Variants in GLRA2 observed in about 807,000 individuals in gnomAD.
GLRA2 encodes the protein glycine receptor subunit alpha-2.
In GLRA2, 11 loss-of-function variants were observed where a neutral mutation model predicts 31.6. The observed-to-expected ratio is 0.35, with a 90% confidence interval of 0.22 to 0.58. GLRA2 has a LOEUF of 0.58. Among genes scored for constraint, GLRA2 ranks in the 20% least tolerant of loss-of-function variants. GLRA2 has a pLI of 0.84. For missense variants in GLRA2, 212 were observed against 351.8 expected (o/e 0.60, Z 3.18); for synonymous variants, 132 against 134.0 (o/e 0.99, Z 0.10).
chrX:14,449,698 G>A, the GLRA2 span, among the ~76,000 whole-genome samples: 1 of 112,200 alleles, frequency 8.9e-6, no homozygotes. Context: ...TGCAGCCTGG[G>A]AGCAGTTCAG....
intron 2 of GLRA2, among the ~76,000 whole-genome samples, chrX:14,544,938 G>T (rs2089458587): frequency 9.0e-6 from 1 of 111,259 alleles, no homozygotes; most frequent in South Asian, 3.7e-4. Context: ...ACGGAGTAGG[G>T]GTAGGGAAAT....
At chrX:14,536,714 CTTAA>C (rs2089329033) in intron 2 of GLRA2, among the ~76,000 whole-genome samples, 1 of 110,804 alleles carries the variant, frequency 9.0e-6, no homozygotes, top group Admixed American at 9.7e-5. Context: ...CTAGGTCTCC[CTTAA>C]TTAATCAAGA....
the GLRA2 span, among the ~76,000 whole-genome samples, chrX:14,481,807 C>T: frequency 9.1e-5 from 10 of 109,936 alleles, no homozygotes; most frequent in Non-Finnish European, 1.3e-4. Context: ...TATGTGCATA[C>T]ACACTCCCTC....
chrX:14,693,057 AG>A (rs771946998), intron 8 of GLRA2, among the ~76,000 whole-genome samples: 1 of 69,911 alleles, frequency 1.4e-5, no homozygotes. Context: ...AAAAAAAAAA[AG>A]AAAGAGGGAA....
At chrX:14,644,827 GAC>G (rs1569515409) in intron 7 of GLRA2, among the ~76,000 whole-genome samples, 2 of 111,924 alleles carry the variant, frequency 1.8e-5, no homozygotes, top group African/African-American at 6.5e-5. Flanking sequence ...TTGAGGGAAA[GAC>G]AAACAGAAGA....
intron 2 of GLRA2, among the ~76,000 whole-genome samples, chrX:14,539,336 A>G (rs2089369086): frequency 9.0e-6 from 1 of 111,271 alleles, no homozygotes; most frequent in Admixed American, 9.5e-5. Flanking sequence ...TTTGGAATTA[A>G]CGCCTAGGAT....
intron 2 of GLRA2, among the ~76,000 whole-genome samples, chrX:14,561,036 T>C (rs2089725977): frequency 9.0e-6 from 1 of 111,468 alleles, no homozygotes; most frequent in African/African-American, 3.3e-5. Context: ...AACTGAGTCG[T>C]ATATATTAAG....
chrX:14,637,977 T>C (rs756233222), intron 7 of GLRA2, among the ~76,000 whole-genome samples: 8 of 111,732 alleles, frequency 7.2e-5, no homozygotes, highest in Middle Eastern at 4.6e-3. Context: ...ATACTAGTAT[T>C]ACATTTTAGA....
chrX:14,655,209 A>G (rs747035141), intron 7 of GLRA2, among the ~76,000 whole-genome samples: 1 of 111,900 alleles, frequency 8.9e-6, no homozygotes, highest in South Asian at 3.8e-4. Flanking sequence ...CTAAAGATGG[A>G]AGTAAGTGAT....
intron 2 of GLRA2, among the ~76,000 whole-genome samples, chrX:14,549,525 G>A (rs1050586799): frequency 9.0e-6 from 1 of 111,670 alleles, no homozygotes; most frequent in Non-Finnish European, 1.9e-5. Flanking sequence ...TTTGGGCTTA[G>A]GGAGTGGCAA....
At chrX:14,675,990 T>C (rs751695599) in intron 7 of GLRA2, among the ~76,000 whole-genome samples, 1 of 112,477 alleles carries the variant, frequency 8.9e-6, no homozygotes, top group South Asian at 3.6e-4. Context: ...GTATACTTTA[T>C]AGCACTCAAT....
At chrX:14,506,520 G>A in the GLRA2 span, among the ~76,000 whole-genome samples, 1 of 111,646 alleles carries the variant, frequency 9.0e-6, no homozygotes. Flanking sequence ...GACTGAACAT[G>A]CCACACTGTT....
Position 14,576,064 on chromosome X carries a change from TA to T in GLRA2, c.270+1680del, listed in dbSNP as rs76368177. On this transcript the variant is annotated intron_variant, in intron 3 of 8. Coordinates refer to ENST00000218075, the MANE Select transcript of GLRA2 (RefSeq NM_002063.4). ...TAATAAGCATAATGCCATTGAGAAGTAAAAAAAAAAAAAAAAGGTTTCCTTG... is the reference window on the plus strand; with the variant it reads ...TAATAAGCATAATGCCATTGAGAAGTAAAAAAAAAAAAAAAGGTTTCCTTG... 5.7e-3 allele frequency among the ~76,000 whole-genome samples: 506 copies of T among 88,319 alleles called. 2 individuals are homozygous for T. The highest frequency in any genetic ancestry group is 0.034 in the South Asian group (63 of 1,863). The allele number at this position is 88,319 out of a possible 115,157, so 76.7% of individuals were successfully genotyped here.
intron 7 of GLRA2, among the ~76,000 whole-genome samples, chrX:14,682,473 C>A (rs2091224275): frequency 9.0e-6 from 1 of 111,030 alleles, no homozygotes; most frequent in Non-Finnish European, 1.9e-5. Flanking sequence ...TATCCATTAA[C>A]AAAATCACAC....
the GLRA2 span, among the ~76,000 whole-genome samples, chrX:14,459,851 A>C: frequency 8.9e-6 from 1 of 112,030 alleles, no homozygotes; most frequent in East Asian, 2.8e-4. Flanking sequence ...TTCCTGTTTG[A>C]ATACCCTTTA....
intron 2 of GLRA2, among the ~76,000 whole-genome samples, chrX:14,572,634 A>G (rs2089898592): frequency 8.9e-6 from 1 of 112,621 alleles, no homozygotes; most frequent in African/African-American, 3.2e-5. Context: ...TCATCATGGC[A>G]GATGCTGACA....
intron 4 of GLRA2, among the ~76,000 whole-genome samples, chrX:14,598,700 T>G (rs909131647): frequency 9.0e-6 from 1 of 111,601 alleles, no homozygotes; most frequent in African/African-American, 3.3e-5. Flanking sequence ...CCTTTAACCT[T>G]TCCCATTTCC....
the GLRA2 span, among the ~76,000 whole-genome samples, chrX:14,477,686 A>G: frequency 9.0e-6 from 1 of 111,505 alleles, no homozygotes; most frequent in Non-Finnish European, 1.9e-5. Context: ...ATTTATTATC[A>G]CTAACTGCCC....
chrX:14,608,671 A>G (rs952298394), intron 6 of GLRA2, among the ~76,000 whole-genome samples: 3 of 110,736 alleles, frequency 2.7e-5, no homozygotes, highest in Non-Finnish European at 5.7e-5. Context: ...AGTCTTGTAA[A>G]TTCTGAAGCT....
Sources: allele counts gnomAD v4.1 joint callset (sites outside exome capture counted in the v4.1 genomes callset), GRCh38; gene constraint gnomAD v4.1.1; transcripts MANE v1.5; gene names NCBI Gene and HGNC (gene_info 2026-07-23, HGNC 2026-07-21).